The following TTC28 variants were observed in gnomAD, a reference collection of about 807,000 sequenced individuals.
TTC28 encodes the protein tetratricopeptide repeat protein 28.
Under a neutral mutation model 198.0 loss-of-function variants are expected in TTC28, and 61 were observed. The observed-to-expected ratio is 0.31, with a 90% confidence interval of 0.25 to 0.38. TTC28 has a LOEUF of 0.38. TTC28 is among the 10% of genes least tolerant of loss of function. The pLI, the probability that TTC28 is intolerant of heterozygous loss-of-function variation, is 1.00. For missense variants in TTC28, 2,678 were observed against 3,164.0 expected (o/e 0.85, Z 3.69); for synonymous variants, 1,171 against 1,297.8 (o/e 0.90, Z 2.10).
At chr22:28,386,672 G>T (rs2046603349) in intron 2 of TTC28, among the ~76,000 whole-genome samples, 1 of 152,108 alleles carries the variant, frequency 6.6e-6, no homozygotes, top group African/African-American at 2.4e-5. Flanking sequence ...AGGGAGAAAG[G>T]AAGTAAAAGG....
rs1277390908 is a variant in TTC28 at position 28,536,213 on chromosome 22, A to T, written c.381+93339T>A. On this transcript the variant is annotated intron_variant, in intron 2 of 22. Coordinates refer to ENST00000397906, the MANE Select transcript of TTC28 (RefSeq NM_001145418.2). Reference sequence around the variant, plus strand: ...GACACCGTCTCAAAAAAAAAAAAAAAAAAAAAACATAAAAATAATAAATTA... The same window carrying T: ...GACACCGTCTCAAAAAAAAAAAAAATAAAAAAACATAAAAATAATAAATTA... Among the ~76,000 whole-genome samples, 699 of 147,658 alleles carry T rather than the reference A, an allele frequency of 4.7e-3. 10 individuals are homozygous for T. Among genetic ancestry groups the T allele is most frequent in the African/African-American group, 0.016 (644 of 40,022 alleles).
chr22:28,147,062 G>A (rs546766957), intron 6 of TTC28, among the ~76,000 whole-genome samples: 1 of 152,268 alleles, frequency 6.6e-6, no homozygotes, highest in East Asian at 1.9e-4. Flanking sequence ...AGCTAACAAA[G>A]CTATTTGAAA....
At chr22:28,601,777 G>GAGACACAC (rs2050641491) in intron 2 of TTC28, among the ~76,000 whole-genome samples, 1 of 141,484 alleles carries the variant, frequency 7.1e-6, no homozygotes. Context: ...GTAAACCCTA[G>GAGACACAC]ACACACACAC....
intron 18 of TTC28, chr22:27,992,966 AG>A (rs1356727048): frequency 1.8e-6 from 1 of 555,684 alleles, no homozygotes; most frequent in African/African-American, 1.9e-5. Context: ...TTGGCCGCAC[AG>A]CTTCATCGGG....
At chr22:28,087,978 G>A (rs962131096) in intron 12 of TTC28, among the ~76,000 whole-genome samples, 1 of 152,114 alleles carries the variant, frequency 6.6e-6, no homozygotes, top group African/African-American at 2.4e-5. Flanking sequence ...CCTCTTCAAG[G>A]AGAACTAGAA....
At chr22:28,313,561 C>T (rs1297606) in intron 2 of TTC28, among the ~76,000 whole-genome samples, 223 of 152,292 alleles carry the variant, frequency 1.5e-3, no homozygotes, top group African/African-American at 5.1e-3. Flanking sequence ...GTTCAATATA[C>T]GCAAATCAAT....
intron 2 of TTC28, among the ~76,000 whole-genome samples, chr22:28,598,014 C>T (rs1202545296): frequency 6.6e-6 from 1 of 151,964 alleles, no homozygotes; most frequent in African/African-American, 2.4e-5. Context: ...AGGCATGAGC[C>T]ACTGTGCCTG....
At chr22:28,099,263 T>C (rs1827475617) in intron 9 of TTC28, among the ~76,000 whole-genome samples, 1 of 152,226 alleles carries the variant, frequency 6.6e-6, no homozygotes, top group South Asian at 2.1e-4. Flanking sequence ...TCAGTGAGTT[T>C]GGAGCACAGG....
intron 1 of TTC28, among the ~76,000 whole-genome samples, chr22:28,648,759 AT>A (rs2051519664): frequency 6.6e-6 from 1 of 152,106 alleles, no homozygotes; most frequent in Non-Finnish European, 1.5e-5. Context: ...AAATACAAAA[AT>A]TAGCTGGGCG....
intron 5 of TTC28, among the ~76,000 whole-genome samples, chr22:28,238,719 T>C (rs1017927742): frequency 2.0e-5 from 3 of 152,144 alleles, no homozygotes; most frequent in African/African-American, 4.8e-5. Context: ...GTAGTTCTAG[T>C]AGTTGTTCAA....
intron 2 of TTC28, among the ~76,000 whole-genome samples, chr22:28,460,542 G>GTA (rs41564112): frequency 0.01 from 1,497 of 149,508 alleles, 27 homozygotes; most frequent in African/African-American, 0.034. Context: ...TATCTAATAT[G>GTA]TATATATATA....
chr22:27,996,303 C>A (rs1204498306), intron 16 of TTC28, 44 bp from the exon 17 acceptor site: 1 of 1,536,290 alleles, frequency 6.5e-7, no homozygotes, highest in Non-Finnish European at 8.8e-7. Flanking sequence ...CAGCTGGAGA[C>A]CCCCAGCCCC....
At chr22:28,442,912 T>A (rs2047647349) in intron 2 of TTC28, 1 of 152,368 alleles carries the variant, frequency 6.6e-6, no homozygotes, top group Non-Finnish European at 1.5e-5. Context: ...CATTTCATCA[T>A]ATTTGTAAAG....
chr22:28,413,361 C>T (rs1017286428), intron 2 of TTC28, among the ~76,000 whole-genome samples: 1 of 152,032 alleles, frequency 6.6e-6, no homozygotes, highest in African/African-American at 2.4e-5. Flanking sequence ...TGGCGTGAAG[C>T]TGGGAGGCGG....
intron 5 of TTC28, among the ~76,000 whole-genome samples, chr22:28,240,314 G>A (rs1231573022): frequency 3.3e-5 from 5 of 152,250 alleles, no homozygotes; most frequent in African/African-American, 9.6e-5. Flanking sequence ...TTGGAGAAGG[G>A]AATGACACAT....
chr22:28,157,632 C>T (rs996632486), intron 6 of TTC28, among the ~76,000 whole-genome samples: 5 of 152,062 alleles, frequency 3.3e-5, no homozygotes, highest in African/African-American at 1.2e-4. Flanking sequence ...TCAATAAATA[C>T]AAATCAATCA....
At chr22:28,532,186 A>G (rs868866647) in intron 2 of TTC28, among the ~76,000 whole-genome samples, 2 of 152,170 alleles carry the variant, frequency 1.3e-5, no homozygotes, top group African/African-American at 4.8e-5. Flanking sequence ...GAAAAGAGAG[A>G]AGAATCAAAT....
chr22:28,436,067 C>G lies in TTC28; in HGVS notation c.382-129424G>C, dbSNP rs566581493. Among the ~76,000 whole-genome samples, 6 of 152,318 alleles carry G rather than the reference C, an allele frequency of 3.9e-5. No individual in the cohort carries two copies. In the South Asian group the frequency reaches 1.2e-3, roughly 32 times the overall value. ...ATATTACACAACCACCACCTCATAA[C>G]TGTGACTTTAATTTTAATAGGTGCA... On this transcript the variant is annotated intron_variant, in intron 2 of 22. Coordinates refer to ENST00000397906, the MANE Select transcript of TTC28 (RefSeq NM_001145418.2).
chr22:28,436,987 G>A (rs896811296), intron 2 of TTC28, among the ~76,000 whole-genome samples: 1 of 152,254 alleles, frequency 6.6e-6, no homozygotes, highest in African/African-American at 2.4e-5. Flanking sequence ...TCAACAGTGA[G>A]TGGGCACCAC....
Sources: gnomAD v4.1 joint callset for allele counts (sites outside exome capture counted in the v4.1 genomes callset) on GRCh38, gnomAD v4.1.1 for gene constraint, MANE v1.5 for transcripts, NCBI Gene and HGNC (gene_info 2026-07-23, HGNC 2026-07-21) for gene names.